Variants in RNF150 observed in about 807,000 individuals in gnomAD.
RNF150 encodes the protein ring finger protein 150.
In RNF150, 24 loss-of-function variants were observed where a neutral mutation model predicts 39.3. The ratio of observed to expected loss-of-function variants is 0.61; its 90% CI spans 0.44 to 0.86. The LOEUF is 0.86. Among genes scored for constraint, RNF150 ranks in the 40% least tolerant of loss-of-function variants. The probability of loss-of-function intolerance (pLI) is 0.00; values close to 1 mark genes in which losing one functional copy is unlikely to be tolerated. For synonymous variants in RNF150, 255 were observed against 227.3 expected (o/e 1.12, Z -1.10); for missense variants, 502 against 587.8 (o/e 0.85, Z 1.51).
intron 1 of RNF150, among the ~76,000 whole-genome samples, chr4:141,187,059 G>T: frequency 6.6e-6 from 1 of 152,080 alleles, no homozygotes; most frequent in East Asian, 1.9e-4. Flanking sequence ...TTGTGTCTTT[G>T]TTCTCATTGG....
intron 1 of RNF150, among the ~76,000 whole-genome samples, chr4:141,194,725 T>C (rs1486832764): frequency 6.6e-6 from 1 of 152,094 alleles, no homozygotes; most frequent in Non-Finnish European, 1.5e-5. Flanking sequence ...AACTGGCATA[T>C]AAATAGGCTG....
chr4:141,132,956 GCCGCGGGGA>G lies in RNF150; in HGVS notation c.-157_-149del. 1 of 607,098 alleles carries G rather than the reference GCCGCGGGGA, an allele frequency of 1.6e-6. No homozygotes were observed. Among genetic ancestry groups the G allele is most frequent in the South Asian group, 2.1e-5 (1 of 46,646 alleles). 37.6% of individuals were successfully genotyped at this position (607,098 alleles called of 1,614,324 possible). On this transcript the variant is annotated 5_prime_UTR_variant, in exon 1 of 7. Transcript: ENST00000515673. The surrounding 1 kb of genome is among the most constrained non-coding windows in gnomAD (Gnocchi z 4.9). ...GGGGCCGCGGCCGGGACGCGCAGCC[GCCGCGGGGA>G]CCGGATTCCGGGCGAGCGGATGGCG...
chr4:141,102,996 A>G (rs1739068192), intron 1 of RNF150, among the ~76,000 whole-genome samples: 1 of 152,072 alleles, frequency 6.6e-6, no homozygotes, highest in Non-Finnish European at 1.5e-5. Flanking sequence ...TCCATCTGTC[A>G]GGTGCTTTCA....
Position 141,133,131 on chromosome 4 carries a change from TTC to T in RNF150, c.-325_-324del, listed in dbSNP as rs1726953059. ...TCCTGCTCCTTCGCCCGGCTTCGCCTTCTCTCATAAGGGTGGCCGGGGGCCCA... is the reference window on the plus strand; with the variant it reads ...TCCTGCTCCTTCGCCCGGCTTCGCCTTCTCATAAGGGTGGCCGGGGGCCCA... On this transcript the variant is annotated 5_prime_UTR_variant, in exon 1 of 7. It removes the in-frame stop codon of an upstream open reading frame in the 5' UTR. Transcript: ENST00000515673. The T allele has an allele frequency of 3.3e-6, 1 of 304,958 alleles. No individual in the cohort carries two copies. Among genetic ancestry groups the T allele is most frequent in the African/African-American group, 2.3e-5 (1 of 43,250 alleles). The allele number at this position is 304,958 out of a possible 1,614,324, so 18.9% of individuals were successfully genotyped here. A position where few individuals can be genotyped will look rare whatever the true frequency, so the allele number is the denominator to read the frequency against.
At chr4:141,147,904 C>T (rs867057651) in intron 1 of RNF150, among the ~76,000 whole-genome samples, 5 of 152,074 alleles carry the variant, frequency 3.3e-5, no homozygotes, top group Non-Finnish European at 7.4e-5. Flanking sequence ...AAATATGAGG[C>T]GTAGAGAATA....
chr4:141,058,150 T>G (rs1212643895), intron 1 of RNF150, among the ~76,000 whole-genome samples: 1 of 152,166 alleles, frequency 6.6e-6, no homozygotes, highest in Non-Finnish European at 1.5e-5. Context: ...TCTATTTTAT[T>G]TCCTCATATA....
In RNF150 at chr4:141,130,509, T is replaced by C. The variant is rs569370575; in HGVS notation, c.484+1816A>G. ...TCATTTGTGTGGGAAATCTGCTTAG[T>C]GTTTTCTTTAAAAATAAGCAAGCCA... On this transcript the variant is annotated intron_variant, in intron 1 of 6. Transcript: ENST00000515673. Among the ~76,000 whole-genome samples, 3 of 152,354 alleles carry C rather than the reference T, an allele frequency of 2.0e-5. No individual in the cohort carries two copies. In the East Asian group the frequency reaches 5.8e-4, roughly 29 times the overall value.
intron 1 of RNF150, among the ~76,000 whole-genome samples, chr4:141,153,438 C>T (rs1398331125): frequency 1.3e-5 from 2 of 152,096 alleles, no homozygotes; most frequent in Non-Finnish European, 2.9e-5. Context: ...GGAAAGATGG[C>T]CATCTACAAG....
At chr4:141,080,247 T>C (rs1006536624) in intron 1 of RNF150, among the ~76,000 whole-genome samples, 1 of 152,228 alleles carries the variant, frequency 6.6e-6, no homozygotes, top group Admixed American at 6.5e-5. Context: ...CTCTTCTTTT[T>C]GTAATCTCTG....
intron 1 of RNF150, among the ~76,000 whole-genome samples, chr4:141,182,934 T>C (rs1051031628): frequency 1.3e-5 from 2 of 151,276 alleles, no homozygotes; most frequent in Admixed American, 6.6e-5. Context: ...CAAACTATAC[T>C]ACAAGGCTAC....
At chr4:141,010,680 A>T (rs563153513) in intron 1 of RNF150, among the ~76,000 whole-genome samples, 18 of 152,026 alleles carry the variant, frequency 1.2e-4, no homozygotes, top group Non-Finnish European at 1.9e-4. Context: ...GCATGTGTGG[A>T]CAGCCCAGAC....
chr4:141,143,752 A>C (rs1727158665), intron 1 of RNF150, among the ~76,000 whole-genome samples: 1 of 151,978 alleles, frequency 6.6e-6, no homozygotes, highest in Non-Finnish European at 1.5e-5. Context: ...CACATGCAAC[A>C]AGCTTTGGTT....
At chr4:140,960,076 C>T (rs898525051) in intron 2 of RNF150, among the ~76,000 whole-genome samples, 6 of 152,134 alleles carry the variant, frequency 3.9e-5, no homozygotes, top group African/African-American at 7.2e-5. Context: ...ATCTAAAAGG[C>T]TTCTAAATTT....
intron 1 of RNF150, among the ~76,000 whole-genome samples, chr4:141,026,101 C>G (rs2110804403): frequency 6.6e-6 from 1 of 152,248 alleles, no homozygotes; most frequent in Non-Finnish European, 1.5e-5. Flanking sequence ...TGATCTTAGA[C>G]TCTCCAGACT....
intron 1 of RNF150, among the ~76,000 whole-genome samples, chr4:141,197,087 G>T (rs10007007): frequency 6.6e-6 from 1 of 151,776 alleles, no homozygotes; most frequent in Non-Finnish European, 1.5e-5. Context: ...ACTCCTTTGC[G>T]CTATTTCCTT....
chr4:141,102,258 A>C (rs1046560679), intron 1 of RNF150, among the ~76,000 whole-genome samples: 3 of 152,240 alleles, frequency 2.0e-5, no homozygotes, highest in Non-Finnish European at 4.4e-5. Flanking sequence ...AGCAAGAAGA[A>C]AAAATCTTGA....
intron 1 of RNF150, among the ~76,000 whole-genome samples, chr4:140,991,672 G>T (rs1734201847): frequency 6.6e-6 from 1 of 152,130 alleles, no homozygotes; most frequent in South Asian, 2.1e-4. Context: ...TAAGGCAAAA[G>T]ACAGTTACAT....
At chr4:141,135,079 A>G (rs1727008269), upstream of RNF150, among the ~76,000 whole-genome samples, 1 of 152,274 alleles carries the variant, frequency 6.6e-6, no homozygotes, top group African/African-American at 2.4e-5. Context: ...CATTGGGCTA[A>G]TAAGTAAAAC....
chr4:140,982,695 T>C (rs535113223), intron 1 of RNF150, among the ~76,000 whole-genome samples: 32 of 152,204 alleles, frequency 2.1e-4, no homozygotes, highest in South Asian at 1.2e-3. Flanking sequence ...TGCCATTTTA[T>C]TAAAATAACA....
Sources: gnomAD v4.1 joint callset for allele counts (sites outside exome capture counted in the v4.1 genomes callset) on GRCh38, gnomAD v4.1.1 for gene constraint, Gnocchi (gnomAD v3.1) non-coding constraint, MANE v1.5 for transcripts, NCBI Gene and HGNC (gene_info 2026-07-23, HGNC 2026-07-21) for gene names.